Variants in LMAN1 observed in about 807,000 individuals in gnomAD.
LMAN1 encodes the protein protein ERGIC-53.
A neutral mutation model predicts 67.8 loss-of-function variants in LMAN1; 32 were observed. The ratio of observed to expected loss-of-function variants is 0.47; its 90% CI spans 0.36 to 0.63. The LOEUF is 0.63. Ranked by LOEUF, LMAN1 falls within the 30% of genes least tolerant of loss-of-function variation. LMAN1 has a pLI of 0.00. For missense variants in LMAN1, 632 were observed against 628.2 expected (o/e 1.01, Z -0.06); for synonymous variants, 235 against 219.3 (o/e 1.07, Z -0.63).
Position 59,349,189 on chromosome 18 carries a change from A to G in LMAN1, c.687T>C (p.Phe229=), listed in dbSNP as rs766476976. ...GFTPDKNDYE[F]CAKVENMIIP... ...TAATCATATTTTCCACTTTGGCACA[A>G]AATTCATAATCATTTTTATCTGGTG... is the stretch of plus-strand genomic sequence containing the variant. The change falls in exon 6 of 13, where the codon TTT becomes TTC. Residue 229 remains phenylalanine, a synonymous_variant. Transcript: ENST00000251047. The G allele has an allele frequency of 4.3e-6, 7 of 1,613,790 alleles. No individual in the cohort carries two copies. The South Asian group carries it at 6.6e-5, about 15-fold the overall frequency.
At chr18:59,352,716 C>T (rs918443468) in intron 5 of LMAN1, 10 of 186,250 alleles carry the variant, frequency 5.4e-5, no homozygotes, top group East Asian at 1.3e-4. Context: ...TGTTCCTGCC[C>T]TTCCCCACCT....
chr18:59,355,954 C>T (rs1021863736), intron 1 of LMAN1, among the ~76,000 whole-genome samples: 13 of 152,036 alleles, frequency 8.6e-5, no homozygotes, highest in African/African-American at 3.1e-4. Context: ...TTTTTAAAAA[C>T]CTTAAAAATT....
chr18:59,355,218 A>C, intron 3 of LMAN1, 95 bp downstream of exon 3: 7 of 938,074 alleles, frequency 7.5e-6, no homozygotes, highest in Non-Finnish European at 8.5e-6. Context: ...TGTACTATCA[A>C]ACTGATGAAA....
intron 8 of LMAN1, among the ~76,000 whole-genome samples, chr18:59,341,183 C>T (rs562346843): frequency 1.3e-5 from 2 of 152,072 alleles, no homozygotes; most frequent in East Asian, 1.9e-4. Context: ...TATATGCACC[C>T]AACATTAGAG....
Position 59,358,191 on chromosome 18 carries a change from A to G in LMAN1, c.214+840T>C, listed in dbSNP as rs139081198. Reference sequence around the variant, plus strand: ...TTTCTTTCACGTAAGTAAATGCTCTAGCAAGGCTCTCTTATCTACAAAAGT... The same window carrying G: ...TTTCTTTCACGTAAGTAAATGCTCTGGCAAGGCTCTCTTATCTACAAAAGT... On this transcript the variant is annotated intron_variant, in intron 1 of 12. Transcript: ENST00000251047. Among the ~76,000 whole-genome samples the G allele has an allele frequency of 6.5e-3, 988 of 152,340 alleles. 9 individuals carry two copies. Among genetic ancestry groups the G allele is most frequent in the African/African-American group, 0.022 (916 of 41,574 alleles).
rs372524786 is a variant in LMAN1 at position 59,355,486 on chromosome 18, T to G, written c.369+18A>C. The stretch of plus-strand genomic sequence containing the variant: ...TATGCATTTATGCACATTTTCTAAG[T>G]TAAAGAAATGATCATACTAGGCCAT... On this transcript the variant is annotated intron_variant, in intron 2 of 12. Coordinates refer to ENST00000251047, the MANE Select transcript of LMAN1 (RefSeq NM_005570.4). 1 of 1,613,986 alleles carries G rather than the reference T, an allele frequency of 6.2e-7. No individual in the cohort carries two copies. Among genetic ancestry groups the G allele is most frequent in the Non-Finnish European group, 8.5e-7 (1 of 1,179,950 alleles).
intron 7 of LMAN1, among the ~76,000 whole-genome samples, chr18:59,346,693 G>A (rs1488297293): frequency 6.6e-6 from 1 of 150,736 alleles, no homozygotes; most frequent in Non-Finnish European, 1.5e-5. Flanking sequence ...GCTATTTTTT[G>A]TATTTTTGTA....
At position 59,330,951 on chromosome 18, in the gene LMAN1, T is replaced by C; in HGVS notation, c.*142A>G. The C allele has an allele frequency of 1.5e-6, 1 of 660,984 alleles. No homozygotes were observed. Among genetic ancestry groups the C allele is most frequent in the Non-Finnish European group, 2.7e-6 (1 of 372,748 alleles). The allele number at this position is 660,984 out of a possible 1,614,324, so 40.9% of individuals were successfully genotyped here. Reference sequence around the variant, plus strand: ...TGGTTGTCTTTGCTTTAAGGTTTATTCTTAACTGCAAATCAATGTTTAAAC... The same window carrying C: ...TGGTTGTCTTTGCTTTAAGGTTTATCCTTAACTGCAAATCAATGTTTAAAC... On this transcript the variant is annotated 3_prime_UTR_variant, in exon 13 of 13. Coordinates refer to ENST00000251047, the MANE Select transcript of LMAN1 (RefSeq NM_005570.4).
In LMAN1 at chr18:59,331,057, GT is replaced by G; in HGVS notation, c.*35del. ...AATTCCCTCAAAACGACATCATTTT[GT>G]ACACAAATAGATGAAGTACACAGGA... On this transcript the variant is annotated 3_prime_UTR_variant, in exon 13 of 13. Coordinates refer to ENST00000251047, the MANE Select transcript of LMAN1 (RefSeq NM_005570.4). 1 of 1,498,418 alleles carries G rather than the reference GT, an allele frequency of 6.7e-7. No individual in the cohort carries two copies. Among genetic ancestry groups the G allele is most frequent in the South Asian group, 1.2e-5 (1 of 86,426 alleles). The allele number at this position is 1,498,418 out of a possible 1,614,324, so 92.8% of individuals were successfully genotyped here. A position where few individuals can be genotyped will look rare whatever the true frequency, so the allele number is the denominator to read the frequency against.
chr18:59,359,132 G>C lies in LMAN1; in HGVS notation c.113C>G (p.Ala38Gly), dbSNP rs142321880. ...GAAACGGCGATGTGGCAACGCGACC[G>C]CGGGGTCTCCTCCCACGCCGTCGCC... ...VRGDGVGGDP[A>G]VALPHRRFEY... Residue 38 changes from alanine (A) to glycine (G), a missense_variant, in exon 1 of 13, where the codon GCG becomes GGG. Coordinates refer to ENST00000251047, the MANE Select transcript of LMAN1 (RefSeq NM_005570.4). 2.5e-6 allele frequency: 4 copies of C among 1,614,116 alleles called. No homozygotes were observed. The highest frequency in any genetic ancestry group is 1.6e-4 in the Middle Eastern group (1 of 6,062).
In LMAN1 at chr18:59,331,525, C is replaced by T; in HGVS notation, c.1389G>A (p.Lys463=). The T allele has an allele frequency of 6.2e-7, 1 of 1,613,194 alleles. No individual in the cohort carries two copies. ...ATGGTGGTAGTTCTGGGCATTTCGG[C>T]TTTTCATTTGATGGCTGTAAGGCAA... The part of the protein sequence containing the change: ...LVQRNMPSNE[K]PKCPELPPFP... The change falls in exon 12 of 13, where the codon AAG becomes AAA. Residue 463 remains lysine (K), a synonymous_variant. Transcript: ENST00000251047.
At chr18:59,352,964 G>A in intron 5 of LMAN1, 1 of 455,798 alleles carries the variant, frequency 2.2e-6, no homozygotes, top group Non-Finnish European at 4.1e-6. Flanking sequence ...TCTCTCACAT[G>A]TGCTATACAG....
chr18:59,328,242 G>C lies in LMAN1; in HGVS notation c.*2851C>G, dbSNP rs2070725145. 6.6e-6 allele frequency: 1 copy of C among 152,178 alleles called. No homozygotes were observed. Among genetic ancestry groups the C allele is most frequent in the Non-Finnish European group, 1.5e-5 (1 of 68,030 alleles). 9.4% of individuals were successfully genotyped at this position (152,178 alleles called of 1,614,324 possible). On this transcript the variant is annotated 3_prime_UTR_variant, in exon 13 of 13. Coordinates refer to ENST00000251047, the MANE Select transcript of LMAN1 (RefSeq NM_005570.4). ...TCTGTTTTCCCTAAGTTATCAAAAAGTACAACTGTCTGATATAAATTGTTA... is the reference window on the plus strand; with the variant it reads ...TCTGTTTTCCCTAAGTTATCAAAAACTACAACTGTCTGATATAAATTGTTA...
chr18:59,344,752 A>G (rs1908362714), intron 8 of LMAN1, among the ~76,000 whole-genome samples: 1 of 152,230 alleles, frequency 6.6e-6, no homozygotes, highest in African/African-American at 2.4e-5. Context: ...ACTATATGAC[A>G]CAAGCATATA....
intron 12 of LMAN1, 40 bp downstream of exon 12, chr18:59,331,378 T>G (rs2070746381): frequency 1.3e-6 from 2 of 1,560,470 alleles, no homozygotes; most frequent in Non-Finnish European, 8.8e-7. Flanking sequence ...ATTAAACAGA[T>G]GCAGAAAAAT....
At chr18:59,346,277 G>A (rs1020056229) in intron 7 of LMAN1, among the ~76,000 whole-genome samples, 5 of 132,060 alleles carry the variant, frequency 3.8e-5, no homozygotes, top group African/African-American at 1.4e-4. Flanking sequence ...CTGGAGTGCA[G>A]TAGCGTGATC....
chr18:59,331,199 T>G, intron 12 of LMAN1, 70 bp from the exon 13 acceptor site: 1 of 1,293,562 alleles, frequency 7.7e-7, no homozygotes, highest in Non-Finnish European at 1.1e-6. Context: ...ACAGGACTAT[T>G]TAAAATTAAA....
intron 7 of LMAN1, among the ~76,000 whole-genome samples, chr18:59,346,777 CCCAAAGT>C (rs1041995462): frequency 1.3e-4 from 19 of 151,818 alleles, no homozygotes; most frequent in African/African-American, 4.6e-4. Flanking sequence ...ACCTTGGCCT[CCCAAAGT>C]GCTAGGATTA....
chr18:59,343,237 C>T (rs906104664), intron 8 of LMAN1, among the ~76,000 whole-genome samples: 7 of 151,656 alleles, frequency 4.6e-5, no homozygotes, highest in African/African-American at 2.4e-5. Context: ...AAACTATCTA[C>T]TAGTTCTAGA....
Sources: allele counts gnomAD v4.1 joint callset (sites outside exome capture counted in the v4.1 genomes callset), GRCh38; gene constraint gnomAD v4.1.1; transcripts MANE v1.5; gene names NCBI Gene and HGNC (gene_info 2026-07-23, HGNC 2026-07-21).